The following EXTL2 variants were observed in gnomAD, a reference collection of about 807,000 sequenced individuals.
The protein encoded by EXTL2 is exostosin-like 2.
Under a neutral mutation model 30.7 loss-of-function variants are expected in EXTL2, and 23 were observed. The ratio of observed to expected loss-of-function variants is 0.75; its 90% CI spans 0.54 to 1.06. The LOEUF (loss-of-function observed/expected upper bound fraction) is 1.06, where lower values mean the gene tolerates loss of function less well. EXTL2 is among the 50% of genes least tolerant of loss of function. The pLI, the probability that EXTL2 is intolerant of heterozygous loss-of-function variation, is 0.00. For missense variants in EXTL2, 352 were observed against 396.3 expected (o/e 0.89, Z 0.95); for synonymous variants, 123 against 133.8 (o/e 0.92, Z 0.56).
rs141827360 is a variant in EXTL2 at position 100,888,629 on chromosome 1, G to C, written c.5+124C>G. The C allele has an allele frequency of 1.4e-5, 6 of 441,504 alleles. No individual in the cohort carries two copies. In the South Asian group the frequency reaches 4.4e-4, roughly 33 times the overall value. 27.3% of individuals were successfully genotyped at this position (441,504 alleles called of 1,614,324 possible). On this transcript the variant is annotated intron_variant, in intron 2 of 4. Coordinates refer to ENST00000370114, the MANE Select transcript of EXTL2 (RefSeq NM_001033025.3). ...GATGAAAAAGTTCCAGAGATCGGCCGCACAACAATGTGAAAACAGTTAACA... is the reference window on the plus strand; with the variant it reads ...GATGAAAAAGTTCCAGAGATCGGCCCCACAACAATGTGAAAACAGTTAACA...
chr1:100,878,315 G>A, intron 2 of EXTL2: 1 of 423,040 alleles, frequency 2.4e-6, no homozygotes, highest in Non-Finnish European at 4.9e-6. Context: ...CATAATACAT[G>A]AGGCAGCAAA....
At chr1:100,875,341 A>C (rs1649028739) in intron 4 of EXTL2, among the ~76,000 whole-genome samples, 1 of 151,950 alleles carries the variant, frequency 6.6e-6, no homozygotes, top group African/African-American at 2.4e-5. Context: ...CAAACAAGGA[A>C]ATACAATACT....
intron 1 of EXTL2, among the ~76,000 whole-genome samples, chr1:100,894,158 C>T (rs566871747): frequency 1.4e-5 from 2 of 143,974 alleles, no homozygotes; most frequent in Admixed American, 1.3e-4. Flanking sequence ...TTACTTCTCC[C>T]GCCTTCTCCC....
intron 1 of EXTL2, among the ~76,000 whole-genome samples, chr1:100,889,599 C>T (rs756763598): frequency 3.9e-5 from 6 of 152,136 alleles, no homozygotes; most frequent in Non-Finnish European, 7.4e-5. Context: ...CAAGTTAGTT[C>T]CTTCAAAGAT....
chr1:100,875,302 A>G (rs1253395853), intron 4 of EXTL2, among the ~76,000 whole-genome samples: 1 of 151,844 alleles, frequency 6.6e-6, no homozygotes, highest in Non-Finnish European at 1.5e-5. Flanking sequence ...TATAGTCTAG[A>G]GAGGGTAGAG....
intron 4 of EXTL2, among the ~76,000 whole-genome samples, chr1:100,874,750 G>A (rs948337249): frequency 3.3e-5 from 5 of 151,992 alleles, no homozygotes; most frequent in African/African-American, 4.8e-5. Flanking sequence ...AATGTGCTGC[G>A]AGAAAAGTTG....
At chr1:100,888,702 T>C in intron 2 of EXTL2, 51 bp downstream of exon 2, 1 of 1,007,878 alleles carries the variant, frequency 9.9e-7, no homozygotes, top group South Asian at 1.4e-5. Flanking sequence ...AATTTTGTGT[T>C]ATACGTATTT....
intron 2 of EXTL2, among the ~76,000 whole-genome samples, chr1:100,882,273 A>G (rs1649621324): frequency 6.6e-6 from 1 of 152,232 alleles, no homozygotes; most frequent in South Asian, 2.1e-4. Flanking sequence ...GAGGGGAGAT[A>G]CTATTGCTAT....
intron 2 of EXTL2, among the ~76,000 whole-genome samples, chr1:100,882,613 G>C (rs904132454): frequency 1.3e-5 from 2 of 152,248 alleles, no homozygotes; most frequent in African/African-American, 4.8e-5. Context: ...CTGAGCCCCA[G>C]AACTTGAGAC....
chr1:100,894,295 A>G (rs187201064), intron 1 of EXTL2, among the ~76,000 whole-genome samples: 1 of 152,262 alleles, frequency 6.6e-6, no homozygotes, highest in East Asian at 1.9e-4. Flanking sequence ...GTAAAATTCA[A>G]GGTCTACTGC....
chr1:100,892,446 T>C (rs933167679), intron 1 of EXTL2, among the ~76,000 whole-genome samples: 1 of 152,208 alleles, frequency 6.6e-6, no homozygotes, highest in Non-Finnish European at 1.5e-5. Flanking sequence ...GGCCACAGAC[T>C]GAAGGCGGCA....
chr1:100,876,952 C>G, intron 3 of EXTL2, 88 bp from the exon 4 acceptor site: 3 of 774,250 alleles, frequency 3.9e-6, no homozygotes, highest in Non-Finnish European at 6.6e-6. Flanking sequence ...ATAGATCATT[C>G]AAATGAAGTA....
At chr1:100,881,123 G>GTATTTATTAAA in intron 2 of EXTL2, 1 of 727,976 alleles carries the variant, frequency 1.4e-6, no homozygotes, top group Non-Finnish European at 1.7e-6. Flanking sequence ...ATTTCATGAG[G>GTATTTATTAAA]TATTTATTAA....
At chr1:100,876,748 T>G in intron 4 of EXTL2, 46 bp downstream of exon 4, 1 of 1,381,388 alleles carries the variant, frequency 7.2e-7, no homozygotes, top group Non-Finnish European at 1.0e-6. Flanking sequence ...TAAGTACTAG[T>G]CAAGATCTTA....
intron 1 of EXTL2, among the ~76,000 whole-genome samples, chr1:100,891,356 CGAATTTATCAAGACAGGG>C (rs1482368089): frequency 1.3e-5 from 2 of 152,134 alleles, no homozygotes; most frequent in Non-Finnish European, 2.9e-5. Context: ...CTAGACCGAA[CGAATTTATCAAGACAGGG>C]GAATTGCAAA....
At chr1:100,884,479 A>G (rs535151506) in intron 2 of EXTL2, among the ~76,000 whole-genome samples, 1 of 152,316 alleles carries the variant, frequency 6.6e-6, no homozygotes, top group Non-Finnish European at 1.5e-5. Flanking sequence ...ACGGCTCTAC[A>G]ACCAATGACC....
chr1:100,891,419 G>A (rs975812036), intron 1 of EXTL2, among the ~76,000 whole-genome samples: 9 of 152,274 alleles, frequency 5.9e-5, no homozygotes, highest in African/African-American at 1.2e-4. Flanking sequence ...CTGGTTGTGC[G>A]GGAGACCAGA....
In EXTL2 at chr1:100,872,626, T is replaced by A. The variant is rs1290386905; in HGVS notation, c.*1316A>T. 6.6e-6 allele frequency: 1 copy of A among 152,332 alleles called. No homozygotes were observed. Among genetic ancestry groups the A allele is most frequent in the African/African-American group, 2.4e-5 (1 of 41,392 alleles). 9.4% of individuals were successfully genotyped at this position (152,332 alleles called of 1,614,324 possible). A position where few individuals can be genotyped will look rare whatever the true frequency, so the allele number is the denominator to read the frequency against. On this transcript the variant is annotated 3_prime_UTR_variant, in exon 5 of 5. Coordinates refer to ENST00000370114, the MANE Select transcript of EXTL2 (RefSeq NM_001033025.3). ...GACCTCATTATTGGAACATTAGCCA[T>A]GATTATTTTAATATTCTCACAGCTT...
At chr1:100,875,430 G>A (rs748023063) in intron 4 of EXTL2, among the ~76,000 whole-genome samples, 6 of 152,016 alleles carry the variant, frequency 3.9e-5, no homozygotes. Flanking sequence ...GTTGCTGGGA[G>A]GCAAAGGGGA....
Sources: allele counts gnomAD v4.1 joint callset (sites outside exome capture counted in the v4.1 genomes callset), GRCh38; gene constraint gnomAD v4.1.1; transcripts MANE v1.5; gene names NCBI Gene and HGNC (gene_info 2026-07-23, HGNC 2026-07-21).